Variants in ADK observed in about 807,000 individuals in gnomAD.
ADK encodes the protein adenosine kinase, also known as N6,N6-dimethyladenosine kinase.
ADK carries 24 observed loss-of-function variants against 44.7 expected under a neutral mutation model. The ratio of observed to expected loss-of-function variants is 0.54; its 90% CI spans 0.39 to 0.76. The LOEUF is 0.76. ADK is among the 30% of genes least tolerant of loss of function. The pLI is 0.00. For missense variants in ADK, 321 were observed against 425.1 expected (o/e 0.76, Z 2.15); for synonymous variants, 128 against 142.6 (o/e 0.90, Z 0.73).
chr10:74,398,973 A>G (rs1417443626), intron 6 of ADK, among the ~76,000 whole-genome samples: 2 of 152,052 alleles, frequency 1.3e-5, no homozygotes, highest in Admixed American at 1.3e-4. Flanking sequence ...GTTTGAGCTG[A>G]ATTGCTTAAA....
At chr10:74,592,538 T>C (rs1273891532) in intron 8 of ADK, among the ~76,000 whole-genome samples, 1 of 152,180 alleles carries the variant, frequency 6.6e-6, no homozygotes, top group Non-Finnish European at 1.5e-5. Context: ...ACCTTCTCTA[T>C]TGGATCATTT....
At chr10:74,217,297 G>C (rs983547964) in intron 2 of ADK, among the ~76,000 whole-genome samples, 20 of 152,354 alleles carry the variant, frequency 1.3e-4, no homozygotes, top group African/African-American at 4.8e-4. Flanking sequence ...CAAACTGCAA[G>C]GCGGCAGCGA....
intron 9 of ADK, among the ~76,000 whole-genome samples, chr10:74,630,096 CA>C (rs529381057): frequency 4.0e-5 from 6 of 149,988 alleles, no homozygotes; most frequent in Admixed American, 6.6e-5. Flanking sequence ...CATTTTGCAG[CA>C]AAAAAAAAGT....
intron 2 of ADK, among the ~76,000 whole-genome samples, chr10:74,220,247 C>T (rs1250692180): frequency 5.3e-5 from 8 of 152,188 alleles, no homozygotes; most frequent in South Asian, 4.1e-4. Context: ...AATACCTCTA[C>T]GCAAATAAAG....
chr10:74,221,212 T>G (rs1298448770), intron 2 of ADK, among the ~76,000 whole-genome samples: 1 of 151,794 alleles, frequency 6.6e-6, no homozygotes, highest in African/African-American at 2.4e-5. Context: ...CACAAGCATT[T>G]TTATACACCA....
At chr10:74,436,294 C>T (rs1212844724) in intron 6 of ADK, among the ~76,000 whole-genome samples, 1 of 152,030 alleles carries the variant, frequency 6.6e-6, no homozygotes. Context: ...GTAGTCCTAG[C>T]TACTTGGGAG....
chr10:74,234,045 A>G (rs1177498585), intron 3 of ADK, among the ~76,000 whole-genome samples: 1 of 152,236 alleles, frequency 6.6e-6, no homozygotes, highest in Non-Finnish European at 1.5e-5. Context: ...GGTCTACAAC[A>G]AACAGAAATA....
chr10:74,281,372 G>C lies in ADK; in HGVS notation c.195-33295G>C, dbSNP rs146163592. The stretch of plus-strand genomic sequence containing the variant: ...TGATAGTGAGTGGCCTTGAGAGCCA[G>C]TTCATTGGGGGAAGTTCCCCACTTT... On this transcript the variant is annotated intron_variant, in intron 3 of 10. Coordinates refer to ENST00000539909, the MANE Select transcript of ADK (RefSeq NM_006721.4). Among the ~76,000 whole-genome samples, 22 of 152,362 alleles carry C rather than the reference G, an allele frequency of 1.4e-4. 1 individual carries two copies. The East Asian group carries it at 4.0e-3, about 28-fold the overall frequency.
intron 2 of ADK, among the ~76,000 whole-genome samples, chr10:74,216,143 TAA>T (rs997820005): frequency 1.3e-5 from 2 of 152,224 alleles, no homozygotes; most frequent in African/African-American, 4.8e-5. Context: ...ATTTTATGCA[TAA>T]GTTATATTTT....
At chr10:74,501,851 G>A (rs1847895547) in intron 6 of ADK, among the ~76,000 whole-genome samples, 2 of 152,126 alleles carry the variant, frequency 1.3e-5, no homozygotes, top group Non-Finnish European at 2.9e-5. Context: ...CTTGTGGGGA[G>A]TGAGGAATGG....
chr10:74,278,463 G>A (rs1453222212), intron 3 of ADK, among the ~76,000 whole-genome samples: 1 of 149,764 alleles, frequency 6.7e-6, no homozygotes, highest in Non-Finnish European at 1.5e-5. Flanking sequence ...TATATTTTGA[G>A]ACTATTTTAT....
intron 4 of ADK, among the ~76,000 whole-genome samples, chr10:74,345,810 A>T (rs932339855): frequency 1.3e-5 from 2 of 152,206 alleles, no homozygotes; most frequent in Non-Finnish European, 2.9e-5. Context: ...TATAGTTTAG[A>T]ATAGTTTGTT....
In ADK at chr10:74,575,608, G is replaced by A. The variant is rs553778053; in HGVS notation, c.727-13674G>A. The stretch of plus-strand genomic sequence containing the variant: ...CTGGGGCATGTTCAGAGAATAGCAA[G>A]TATTCTAGTTTGAGTGGCACCTGGT... On this transcript the variant is annotated intron_variant, in intron 7 of 10. Coordinates refer to ENST00000539909, the MANE Select transcript of ADK (RefSeq NM_006721.4). Among the ~76,000 whole-genome samples, 27 of 152,274 alleles carry A rather than the reference G, an allele frequency of 1.8e-4. No individual in the cohort carries two copies. The South Asian group carries it at 5.4e-3, about 30-fold the overall frequency.
At chr10:74,456,573 A>G (rs943973127) in intron 6 of ADK, among the ~76,000 whole-genome samples, 16 of 148,306 alleles carry the variant, frequency 1.1e-4, no homozygotes, top group African/African-American at 4.0e-4. Flanking sequence ...AGGCTGAGGC[A>G]GGAGAATGGC....
intron 10 of ADK, 76 bp downstream of exon 10, chr10:74,670,345 T>A: frequency 8.9e-7 from 1 of 1,117,696 alleles, no homozygotes. Context: ...AACCAAGATT[T>A]ATTCATTTAG....
At chr10:74,216,465 C>CAGACAAGCAAATGCTAAGAGATTT (rs1844024832) in intron 2 of ADK, among the ~76,000 whole-genome samples, 1 of 152,040 alleles carries the variant, frequency 6.6e-6, no homozygotes, top group African/African-American at 2.4e-5. Context: ...TGGCTCGCAC[C>CAGACAAGCAAATGCTAAGAGATTT]TGTAATCCTA....
chr10:74,423,983 C>T (rs1871084), intron 6 of ADK: 116,715 of 161,240 alleles, frequency 0.72, 42,938 homozygotes, highest in Middle Eastern at 0.86. Context: ...GCTGGTCCAC[C>T]AGGTCGTGTG....
intron 3 of ADK, among the ~76,000 whole-genome samples, chr10:74,236,555 A>T (rs1844964509): frequency 6.6e-6 from 1 of 152,216 alleles, no homozygotes; most frequent in Non-Finnish European, 1.5e-5. Flanking sequence ...ACTAAATTTG[A>T]TACCAGATAA....
At chr10:74,504,328 A>G (rs911148250) in intron 6 of ADK, among the ~76,000 whole-genome samples, 9 of 152,080 alleles carry the variant, frequency 5.9e-5, no homozygotes, top group African/African-American at 2.4e-5. Context: ...AGTGTGCAGT[A>G]TTCCATAAGC....
Sources: allele counts gnomAD v4.1 joint callset (sites outside exome capture counted in the v4.1 genomes callset), GRCh38; gene constraint gnomAD v4.1.1; transcripts MANE v1.5; gene names NCBI Gene and HGNC (gene_info 2026-07-23, HGNC 2026-07-21).